The following ATOSA variants were observed in gnomAD, a reference collection of about 807,000 sequenced individuals.
ATOSA encodes atos homolog A, also known as atos homolog protein A.
the ATOSA span, chr15:52,582,345 C>T: frequency 2.4e-5 from 36 of 1,495,622 alleles, no homozygotes; most frequent in African/African-American, 2.6e-4. Flanking sequence ...TTTCAGAGAA[C>T]GAGTCTTTAA....
At chr15:52,611,939 G>A in the ATOSA span, among the ~76,000 whole-genome samples, 1 of 152,082 alleles carries the variant, frequency 6.6e-6, no homozygotes, top group African/African-American at 2.4e-5. Flanking sequence ...ATTTAATAAC[G>A]GATCTATGCT....
the ATOSA span, among the ~76,000 whole-genome samples, chr15:52,617,008 T>A: frequency 6.6e-6 from 1 of 152,168 alleles, no homozygotes; most frequent in Admixed American, 6.5e-5. Flanking sequence ...AGTATATTGT[T>A]ATGAAATTAG....
the ATOSA span, among the ~76,000 whole-genome samples, chr15:52,651,619 T>TG: frequency 2.0e-5 from 3 of 152,232 alleles, no homozygotes; most frequent in Non-Finnish European, 2.9e-5. Flanking sequence ...ACATTGTACT[T>TG]GGTTTCTTTT....
the ATOSA span, among the ~76,000 whole-genome samples, chr15:52,644,425 T>G: frequency 2.6e-5 from 4 of 152,210 alleles, no homozygotes; most frequent in Non-Finnish European, 5.9e-5. Flanking sequence ...GAAGAGCCTA[T>G]GACATCTTAT....
the ATOSA span, chr15:52,608,875 T>C: frequency 6.2e-7 from 1 of 1,609,298 alleles, no homozygotes; most frequent in Admixed American, 1.7e-5. Context: ...TGAGTCATTT[T>C]TTTTGGAATC....
the ATOSA span, among the ~76,000 whole-genome samples, chr15:52,594,025 A>G: frequency 1.3e-5 from 2 of 152,204 alleles, no homozygotes; most frequent in African/African-American, 4.8e-5. Flanking sequence ...CAACTTCAGC[A>G]TTAGTTAGGC....
At chr15:52,589,445 T>C in the ATOSA span, among the ~76,000 whole-genome samples, 2 of 152,204 alleles carry the variant, frequency 1.3e-5, no homozygotes, top group African/African-American at 4.8e-5. Flanking sequence ...ATACATACAG[T>C]AAAACTGGTA....
chr15:52,612,268 A>G, the ATOSA span, among the ~76,000 whole-genome samples: 1 of 152,146 alleles, frequency 6.6e-6, no homozygotes, highest in Admixed American at 6.5e-5. Flanking sequence ...TACAGGAATG[A>G]GCCACAGTGC....
At chr15:52,605,142 A>T in the ATOSA span, 1 of 1,607,246 alleles carries the variant, frequency 6.2e-7, no homozygotes, top group Non-Finnish European at 8.5e-7. Context: ...CAGGGCTTGA[A>T]AGAAGAGGCA....
chr15:52,661,222 C>T, the ATOSA span, among the ~76,000 whole-genome samples: 1 of 152,180 alleles, frequency 6.6e-6, no homozygotes, highest in South Asian at 2.1e-4. Flanking sequence ...TACTTATTAC[C>T]ATTCGACTTA....
the ATOSA span, among the ~76,000 whole-genome samples, chr15:52,612,808 ATAGACACGATTTT>A: frequency 6.6e-6 from 1 of 152,242 alleles, no homozygotes; most frequent in South Asian, 2.1e-4. Flanking sequence ...CAGCCTCAAA[ATAGACACGATTTT>A]TAGAGTTTAC....
the ATOSA span, among the ~76,000 whole-genome samples, chr15:52,627,207 T>A: frequency 3.4e-3 from 518 of 152,198 alleles, 3 homozygotes; most frequent in African/African-American, 0.012. Context: ...AGTCAGAAAA[T>A]ACCTAAGAGG....
At chr15:52,647,698 C>T in the ATOSA span, among the ~76,000 whole-genome samples, 1 of 151,660 alleles carries the variant, frequency 6.6e-6, no homozygotes, top group Non-Finnish European at 1.5e-5. Flanking sequence ...TTGCAGGGGT[C>T]AAAGGGGTGG....
At chr15:52,673,326 C>T in the ATOSA span, among the ~76,000 whole-genome samples, 1 of 152,178 alleles carries the variant, frequency 6.6e-6, no homozygotes, top group Non-Finnish European at 1.5e-5. Context: ...CCACTTTGGT[C>T]CCAAAATCTT....
chr15:52,700,396 T>C, the ATOSA span, among the ~76,000 whole-genome samples: 2 of 151,812 alleles, frequency 1.3e-5, no homozygotes, highest in African/African-American at 4.8e-5. Context: ...TTCAGGGGGG[T>C]CTCTGCCCCC....
chr15:52,673,263 G>A, the ATOSA span, among the ~76,000 whole-genome samples: 1 of 152,188 alleles, frequency 6.6e-6, no homozygotes, highest in Non-Finnish European at 1.5e-5. Flanking sequence ...AGCTTTCCAA[G>A]ATCACAATAC....
the ATOSA span, among the ~76,000 whole-genome samples, chr15:52,682,371 T>G: frequency 1.3e-5 from 2 of 151,986 alleles, no homozygotes; most frequent in African/African-American, 4.8e-5. Flanking sequence ...TAAGATGAGG[T>G]GGATTATTAG....
chr15:52,605,955 GATA>G, the ATOSA span, among the ~76,000 whole-genome samples: 1 of 151,852 alleles, frequency 6.6e-6, no homozygotes, highest in Non-Finnish European at 1.5e-5. Context: ...AGAGATTAAT[GATA>G]ATAATAAAAT....
the ATOSA span, chr15:52,608,459 T>C: frequency 2.8e-6 from 3 of 1,064,860 alleles, no homozygotes; most frequent in Admixed American, 2.7e-5. Context: ...AGACTGTGTG[T>C]CCTATAGATA....
Sources: gnomAD v4.1 joint callset for allele counts (sites outside exome capture counted in the v4.1 genomes callset) on GRCh38, gnomAD v4.1.1 for gene constraint, MANE v1.5 for transcripts, NCBI Gene and HGNC (gene_info 2026-07-23, HGNC 2026-07-21) for gene names.